Variants in FRMPD3 observed in about 807,000 individuals in gnomAD.
The protein encoded by FRMPD3 is FERM and PDZ domain-containing protein 3.
In FRMPD3, 42 loss-of-function variants were observed where a neutral mutation model predicts 97.9. That is an observed-to-expected ratio of 0.43 (90% CI 0.34 to 0.55). The LOEUF (loss-of-function observed/expected upper bound fraction) is 0.55, where lower values mean the gene tolerates loss of function less well. Ranked by LOEUF, FRMPD3 falls within the 20% of genes least tolerant of loss-of-function variation. FRMPD3 has a pLI of 0.03. For synonymous variants in FRMPD3, 577 were observed against 581.1 expected (o/e 0.99, Z 0.10); for missense variants, 1,303 against 1,457.7 (o/e 0.89, Z 1.73).
rs55749241 is a variant in FRMPD3 at position 107,538,540 on chromosome X, T to TAAA, written c.297+5013_297+5015dup. 5.0e-3 allele frequency among the ~76,000 whole-genome samples: 320 copies of TAAA among 63,754 alleles called. 2 individuals carry two copies. The highest frequency in any genetic ancestry group is 9.7e-3 in the Middle Eastern group (1 of 103). 55.4% of individuals were successfully genotyped at this position (63,754 alleles called of 115,157 possible). On this transcript the variant is annotated intron_variant, in intron 4 of 14. Coordinates refer to ENST00000683843, the MANE Select transcript of FRMPD3 (RefSeq NM_001388459.1). ...ATGTGGCCTAGGAATCTATATTTGT[T>TAAA]AAAAAAAAAAAAAAAAAAAAAAAAA...
chrX:107,464,734 G>A (rs749621314), intron 1 of FRMPD3, among the ~76,000 whole-genome samples: 1 of 111,680 alleles, frequency 9.0e-6, no homozygotes, highest in Admixed American at 9.5e-5. Context: ...TTCTTAGGTA[G>A]CTGACGCTTC....
intron 1 of FRMPD3, among the ~76,000 whole-genome samples, chrX:107,511,482 C>T (rs1229698151): frequency 1.8e-5 from 2 of 112,636 alleles, no homozygotes; most frequent in Non-Finnish European, 1.9e-5. Context: ...TGAGATTCTC[C>T]AGGAGTTTGA....
intron 1 of FRMPD3, among the ~76,000 whole-genome samples, chrX:107,492,735 G>A (rs767818893): frequency 1.8e-5 from 2 of 112,129 alleles, no homozygotes; most frequent in Non-Finnish European, 3.8e-5. Context: ...TAAATTTCGA[G>A]AAGCACTGAT....
chrX:107,457,825 C>T (rs771651733), intron 1 of FRMPD3, among the ~76,000 whole-genome samples: 127 of 112,026 alleles, frequency 1.1e-3, no homozygotes, highest in African/African-American at 3.9e-3. Flanking sequence ...AAAGGCTTTT[C>T]TCTCTCTTCC....
At chrX:107,577,163 A>T (rs1348409962) in intron 13 of FRMPD3, among the ~76,000 whole-genome samples, 1 of 57,181 alleles carries the variant, frequency 1.7e-5, no homozygotes. Context: ...TGTCTCTACT[A>T]AAAAAAAAAA....
At chrX:107,457,643 T>C (rs975325360) in intron 1 of FRMPD3, among the ~76,000 whole-genome samples, 3 of 112,138 alleles carry the variant, frequency 2.7e-5, no homozygotes, top group Non-Finnish European at 5.6e-5. Context: ...CAGTGGACCA[T>C]GGCAACAGTG....
At chrX:107,553,568 G>A (rs921102940) in intron 7 of FRMPD3, among the ~76,000 whole-genome samples, 1 of 111,014 alleles carries the variant, frequency 9.0e-6, no homozygotes, top group African/African-American at 3.3e-5. Flanking sequence ...ACCAAGTAGG[G>A]TGGGACAGAG....
At chrX:107,516,913 G>C (rs1361131506) in intron 1 of FRMPD3, among the ~76,000 whole-genome samples, 1 of 111,547 alleles carries the variant, frequency 9.0e-6, no homozygotes, top group African/African-American at 3.3e-5. Flanking sequence ...GGCTTTTGTT[G>C]CCATTGCTTT....
intron 1 of FRMPD3, among the ~76,000 whole-genome samples, chrX:107,479,598 G>T (rs1403697456): frequency 9.1e-6 from 1 of 110,283 alleles, no homozygotes; most frequent in African/African-American, 3.3e-5. Context: ...ATATTTAGGG[G>T]CTGAAATATG....
At chrX:107,500,688 A>C (rs1197626187) in intron 1 of FRMPD3, among the ~76,000 whole-genome samples, 2 of 109,776 alleles carry the variant, frequency 1.8e-5, no homozygotes, top group Admixed American at 9.7e-5. Flanking sequence ...TCAGCTACTC[A>C]GGAGGCTGAG....
intron 1 of FRMPD3, among the ~76,000 whole-genome samples, chrX:107,476,194 G>T (rs1221598633): frequency 1.8e-5 from 2 of 112,503 alleles, no homozygotes; most frequent in African/African-American, 6.5e-5. Flanking sequence ...CTGAAGTGGT[G>T]TTATTTTTAT....
In FRMPD3 at chrX:107,531,343, CCTCT is replaced by C. The variant is rs369827990; in HGVS notation, c.251+854_251+857del. ...TTCTCTCACTCTCCTTTTCTCTCTC[CCTCT>C]CTCTCTCTCTCTCTCTCTCTCCTCC... is the stretch of plus-strand genomic sequence containing the variant. On this transcript the variant is annotated intron_variant, in intron 3 of 14. Transcript: ENST00000683843. Among the ~76,000 whole-genome samples the C allele has an allele frequency of 8.1e-3, 827 of 102,137 alleles. 7 individuals are homozygous for C. Among genetic ancestry groups the C allele is most frequent in the African/African-American group, 0.025 (712 of 28,634 alleles). The allele number at this position is 102,137 out of a possible 115,157, so 88.7% of individuals were successfully genotyped here. A position where few individuals can be genotyped will look rare whatever the true frequency, so the allele number is the denominator to read the frequency against.
intron 1 of FRMPD3, among the ~76,000 whole-genome samples, chrX:107,511,784 T>C (rs1922172453): frequency 8.9e-6 from 1 of 112,345 alleles, no homozygotes; most frequent in Admixed American, 9.4e-5. Context: ...TTGTTTACAG[T>C]TCGGCCTTTG....
Position 107,597,684 on chromosome X carries a change from C to T in FRMPD3, c.1805C>T (p.Ser602Phe). 8.3e-7 allele frequency: 1 copy of T among 1,210,360 alleles called. No individual in the cohort carries two copies. Among genetic ancestry groups the T allele is most frequent in the Non-Finnish European group, 1.1e-6 (1 of 895,192 alleles). Residue 602 changes from serine (S) to phenylalanine (F), a missense_variant, in exon 14 of 15, where the codon TCC becomes TTC. This residue lies in a region of FRMPD3 where 535 missense variants were observed against 618.6 expected (regional missense o/e 0.86). Transcript: ENST00000683843. ...GCCCGGTCCTACACCTTGGACAATT[C>T]CCTTGGGGCTGAAGCCCTGAATTTC... ...SRARSYTLDNSLGAEALNFYC... is the reference protein window; with the variant it reads ...SRARSYTLDNFLGAEALNFYC...
At chrX:107,500,481 T>C (rs1400160131) in intron 1 of FRMPD3, among the ~76,000 whole-genome samples, 1 of 112,207 alleles carries the variant, frequency 8.9e-6, no homozygotes, top group Non-Finnish European at 1.9e-5. Flanking sequence ...TCCTAATATG[T>C]AAAATAGATA....
rs139829899 is a variant in FRMPD3, at chrX:107,592,966, C to T, written c.1442-4355C>T. Among the ~76,000 whole-genome samples, 745 of 109,515 alleles carry T rather than the reference C, an allele frequency of 6.8e-3. 13 individuals are homozygous for T. The East Asian group carries it at 0.087, about 13-fold the overall frequency. On this transcript the variant is annotated intron_variant, in intron 13 of 14. Coordinates refer to ENST00000683843, the MANE Select transcript of FRMPD3 (RefSeq NM_001388459.1). ...GCTAATTTTTGTATTTTAGTAGAGA[C>T]GGAGTTTCACCATGTTGGTCAGGCT... is the stretch of plus-strand genomic sequence containing the variant.
Position 107,601,975 on chromosome X carries a change from C to T in FRMPD3, c.3936C>T (p.Ala1312=), listed in dbSNP as rs758327902. The T allele has an allele frequency of 2.1e-5, 25 of 1,168,505 alleles. No homozygotes were observed. The highest frequency in any genetic ancestry group is 1.3e-4 in the African/African-American group (7 of 55,965). Residue 1312 remains alanine, a synonymous_variant, in exon 15 of 15, where the codon GCC becomes GCT. Coordinates refer to ENST00000683843, the MANE Select transcript of FRMPD3 (RefSeq NM_001388459.1). ...TCTGCCGGGGGGGCCGGCCACAAGC[C>T]ACCCAGACACCAGTGCCCAGCCTCC... ...KRICRGGRPQ[A]TQTPVPSLRG... is the part of the protein sequence containing the mutation.
chrX:107,496,833 G>A (rs1385061957), intron 1 of FRMPD3, among the ~76,000 whole-genome samples: 2 of 112,482 alleles, frequency 1.8e-5, no homozygotes, highest in African/African-American at 6.5e-5. Flanking sequence ...CCTGGGGAGA[G>A]CTGAGCTGGG....
intron 1 of FRMPD3, among the ~76,000 whole-genome samples, chrX:107,520,108 G>A (rs765796074): frequency 9.0e-6 from 1 of 111,050 alleles, no homozygotes; most frequent in Non-Finnish European, 1.9e-5. Flanking sequence ...TCTTTCTGGT[G>A]GTGACTGAAG....
Sources: allele counts gnomAD v4.1 joint callset (sites outside exome capture counted in the v4.1 genomes callset), GRCh38; gene constraint gnomAD v4.1.1; regional missense constraint gnomAD v4.1.1; transcripts MANE v1.5; gene names NCBI Gene and HGNC (gene_info 2026-07-23, HGNC 2026-07-21).